Variants in ATAD3C observed in about 807,000 individuals in gnomAD.
ATAD3C encodes the protein ATPase family AAA domain containing 3C, also known as ATPase family AAA domain-containing protein 3C.
ATAD3C carries 38 observed loss-of-function variants against 46.3 expected under a neutral mutation model. The observed-to-expected ratio is 0.82, with a 90% CI of 0.63 to 1.08. The LOEUF (loss-of-function observed/expected upper bound fraction) is 1.08. Among genes scored for constraint, ATAD3C ranks in the 50% least tolerant of loss-of-function variants. The pLI is 0.00. For synonymous variants in ATAD3C, 220 were observed against 236.4 expected (o/e 0.93, Z 0.63); for missense variants, 563 against 572.7 (o/e 0.98, Z 0.17).
intron 3 of ATAD3C, among the ~76,000 whole-genome samples, chr1:1,453,697 C>T (rs79705309): frequency 0.12 from 17,489 of 146,998 alleles, 2,472 homozygotes; most frequent in East Asian, 0.48. Context: ...TTGAGTGTGA[C>T]GGCGCAGTCT....
At chr1:1,464,988 T>G (rs532764388) in intron 11 of ATAD3C, among the ~76,000 whole-genome samples, 1 of 151,436 alleles carries the variant, frequency 6.6e-6, no homozygotes, top group Non-Finnish European at 1.5e-5. Context: ...CGGGTTAAAG[T>G]GATTCTCCTG....
At chr1:1,461,231 A>T (rs1357629369) in intron 10 of ATAD3C, among the ~76,000 whole-genome samples, 7 of 151,748 alleles carry the variant, frequency 4.6e-5, no homozygotes, top group Non-Finnish European at 1.0e-4. Context: ...CTTGTCCCCC[A>T]GGCTGGAGTG....
intron 2 of ATAD3C, 36 bp from the exon 3 acceptor site, chr1:1,452,329 G>T: frequency 1.2e-6 from 2 of 1,613,584 alleles, no homozygotes; most frequent in Non-Finnish European, 1.7e-6. Flanking sequence ...GTGGGTCTTT[G>T]TTTCCCTCCT....
chr1:1,463,569 C>G (rs1222297164), intron 11 of ATAD3C, among the ~76,000 whole-genome samples: 4 of 152,004 alleles, frequency 2.6e-5, no homozygotes, highest in African/African-American at 9.7e-5. Flanking sequence ...GCTGAGGTCT[C>G]TGTTCCAGGC....
chr1:1,468,544 C>A lies in ATAD3C; in HGVS notation c.*14C>A. The A allele has an allele frequency of 6.3e-7, 1 of 1,595,750 alleles. No homozygotes were observed. Among genetic ancestry groups the A allele is most frequent in the Non-Finnish European group, 8.5e-7 (1 of 1,170,252 alleles). On this transcript the variant is annotated 3_prime_UTR_variant, in exon 12 of 12. Transcript: ENST00000378785. ...CCCTCATCCTGAGTCCATGGGGAGACCACACCTCACGGAGCCTGGCCGCGG... is the reference window on the plus strand; with the variant it reads ...CCCTCATCCTGAGTCCATGGGGAGAACACACCTCACGGAGCCTGGCCGCGG...
chr1:1,455,807 G>A lies in ATAD3C; in HGVS notation c.455G>A (p.Arg152Gln), dbSNP rs762208422. 6.8e-6 allele frequency: 11 copies of A among 1,613,450 alleles called. No homozygotes were observed. The highest frequency in any genetic ancestry group is 1.6e-4 in the Middle Eastern group (1 of 6,062). ...CCTCGGCAGCCCAGCCTGGAAGCAC[G>A]GGTGCGCGACATCGCCATAATGACA... ...GVVLSPSLEA[R>Q]VRDIAIMTRN... Residue 152 changes from arginine (R) to glutamine (Q), a missense_variant, in exon 6 of 12, where the codon CGG (arginine) becomes CAG (glutamine). This residue lies in a region of ATAD3C where 263 missense variants were observed against 243.1 expected (regional missense o/e 1.08). Coordinates refer to ENST00000378785, the MANE Select transcript of ATAD3C (RefSeq NM_001039211.3).
intron 2 of ATAD3C, 46 bp downstream of exon 2, chr1:1,452,168 A>C: frequency 6.2e-7 from 1 of 1,606,420 alleles, no homozygotes; most frequent in Non-Finnish European, 8.5e-7. Flanking sequence ...GAGCCCCCAC[A>C]GGTGTGAGTC....
At chr1:1,455,706 C>T (rs1489034225) in intron 5 of ATAD3C, 85 bp from the exon 6 acceptor site, 1 of 1,587,262 alleles carries the variant, frequency 6.3e-7, no homozygotes, top group East Asian at 2.3e-5. Context: ...GAGCGGAGTC[C>T]ACACCCAGGC....
chr1:1,460,485 A>G (rs1170376607), intron 9 of ATAD3C, among the ~76,000 whole-genome samples: 1 of 151,974 alleles, frequency 6.6e-6, no homozygotes, highest in Non-Finnish European at 1.5e-5. Context: ...ACTGCCTATC[A>G]GGCTGGGCGA....
intron 2 of ATAD3C, 27 bp downstream of exon 2, chr1:1,452,149 C>T (rs1430158638): frequency 1.2e-6 from 2 of 1,610,922 alleles, no homozygotes; most frequent in Non-Finnish European, 1.7e-6. Flanking sequence ...CCCGGGCCGG[C>T]CGCAGATGGA....
intron 4 of ATAD3C, among the ~76,000 whole-genome samples, chr1:1,454,837 G>C (rs1234694634): frequency 6.6e-6 from 1 of 151,856 alleles, no homozygotes; most frequent in Non-Finnish European, 1.5e-5. Context: ...TCCCTGGGGA[G>C]CCGCGCCGTT....
At chr1:1,452,182 G>T (rs1317458934) in intron 2 of ATAD3C, 60 bp downstream of exon 2, 1 of 1,598,040 alleles carries the variant, frequency 6.3e-7, no homozygotes, top group Non-Finnish European at 8.5e-7. Context: ...GTGAGTCGCT[G>T]GTCCCAGGGT....
chr1:1,454,219 G>A, intron 3 of ATAD3C, 126 bp from the exon 4 acceptor site: 1 of 1,426,816 alleles, frequency 7.0e-7, no homozygotes, highest in Admixed American at 2.7e-5. Flanking sequence ...GGTTCCTGTG[G>A]GGCCAGCACA....
At chr1:1,452,176 G>T in intron 2 of ATAD3C, 54 bp downstream of exon 2, 2 of 1,603,274 alleles carry the variant, frequency 1.2e-6, no homozygotes, top group Non-Finnish European at 1.7e-6. Flanking sequence ...ACAGGTGTGA[G>T]TCGCTGGTCC....
intron 2 of ATAD3C, 43 bp downstream of exon 2, chr1:1,452,165 C>G (rs762397743): frequency 1.9e-6 from 3 of 1,607,748 alleles, no homozygotes; most frequent in South Asian, 2.2e-5. Context: ...ATGGAGCCCC[C>G]ACAGGTGTGA....
rs1237835525 is a variant in ATAD3C, at chr1:1,461,308, C to T, written c.980+391C>T. 1.3e-5 allele frequency among the ~76,000 whole-genome samples: 2 copies of T among 152,016 alleles called. 1 individual carries two copies. Among genetic ancestry groups the T allele is most frequent in the Non-Finnish European group, 2.9e-5 (2 of 67,970 alleles). On this transcript the variant is annotated intron_variant, in intron 10 of 11. Transcript: ENST00000378785. ...ATTCACGCGATTCTCCTGCATCAGC[C>T]TCCTGAGTAGCTGGCATTATAGGTG...
At chr1:1,464,512 T>G (rs1480321997) in intron 11 of ATAD3C, among the ~76,000 whole-genome samples, 1 of 152,008 alleles carries the variant, frequency 6.6e-6, no homozygotes, top group East Asian at 1.9e-4. Context: ...GGCTCACGCC[T>G]GTAATCCCAG....
chr1:1,466,782 C>G (rs1346000779), intron 11 of ATAD3C, among the ~76,000 whole-genome samples: 1 of 151,812 alleles, frequency 6.6e-6, no homozygotes, highest in African/African-American at 2.4e-5. Context: ...CTGGCATTTT[C>G]TTGACGACTT....
Position 1,450,653 on chromosome 1 carries a change from C to G in ATAD3C, c.-31C>G. On this transcript the variant is annotated 5_prime_UTR_variant, in exon 1 of 12. Transcript: ENST00000378785. Reference sequence around the variant, plus strand: ...CCAGCGGCATCCGTGTATCCTAACACCTGCCCTCCGTGTCCCTGCATCTGC... The same window carrying G: ...CCAGCGGCATCCGTGTATCCTAACAGCTGCCCTCCGTGTCCCTGCATCTGC... 1 of 1,601,238 alleles carries G rather than the reference C, an allele frequency of 6.2e-7. No homozygotes were observed. Among genetic ancestry groups the G allele is most frequent in the Non-Finnish European group, 8.5e-7 (1 of 1,173,678 alleles).
Sources: allele counts gnomAD v4.1 joint callset (sites outside exome capture counted in the v4.1 genomes callset), GRCh38; gene constraint gnomAD v4.1.1; regional missense constraint gnomAD v4.1.1; transcripts MANE v1.5; gene names NCBI Gene and HGNC (gene_info 2026-07-23, HGNC 2026-07-21).